Variants in EHD4 observed in about 807,000 individuals in gnomAD.
EHD4 encodes EH domain containing 4.
In EHD4, 37 loss-of-function variants were observed where a neutral mutation model predicts 51.0. The ratio of observed to expected loss-of-function variants is 0.73; its 90% CI spans 0.56 to 0.95. EHD4 has a LOEUF of 0.95. EHD4 is among the 40% of genes least tolerant of loss of function. EHD4 has a pLI of 0.00. For missense variants in EHD4, 632 were observed against 733.1 expected (o/e 0.86, Z 1.59); for synonymous variants, 297 against 317.3 (o/e 0.94, Z 0.68).
intron 2 of EHD4, among the ~76,000 whole-genome samples, chr15:41,944,611 C>A (rs556390304): frequency 4.2e-4 from 64 of 152,302 alleles, no homozygotes; most frequent in African/African-American, 1.4e-3. Flanking sequence ...CGATTTTTCA[C>A]ACAGTCTTTC....
chr15:41,906,547 C>T (rs1252830799), intron 5 of EHD4, among the ~76,000 whole-genome samples: 3 of 152,258 alleles, frequency 2.0e-5, no homozygotes, highest in Non-Finnish European at 4.4e-5. Context: ...GGCTGTAACA[C>T]TGGCCCTCTG....
chr15:41,937,337 A>G (rs1199201302), intron 3 of EHD4, among the ~76,000 whole-genome samples: 3 of 152,180 alleles, frequency 2.0e-5, no homozygotes, highest in Admixed American at 1.3e-4. Flanking sequence ...TAGAAGAGAT[A>G]TCAACAGGAA....
intron 2 of EHD4, among the ~76,000 whole-genome samples, chr15:41,949,016 CTATATATATATATATA>C (rs3035677): frequency 1.2e-3 from 114 of 92,478 alleles, no homozygotes; most frequent in East Asian, 4.5e-3. Context: ...CAGAGTGAGA[CTATATATATATATATA>C]TATATATATA....
intron 5 of EHD4, among the ~76,000 whole-genome samples, chr15:41,909,496 C>T (rs557966607): frequency 1.3e-5 from 2 of 152,366 alleles, no homozygotes; most frequent in South Asian, 2.1e-4. Context: ...TTACCTTTGG[C>T]CATGTGTTTC....
chr15:41,910,407 C>A (rs898590607), intron 4 of EHD4, among the ~76,000 whole-genome samples: 24 of 152,158 alleles, frequency 1.6e-4, no homozygotes, highest in Middle Eastern at 3.2e-3. Flanking sequence ...GCAGAAGATC[C>A]CCCTGGGAGA....
At chr15:41,949,999 T>C (rs1056214574) in intron 2 of EHD4, among the ~76,000 whole-genome samples, 2 of 152,186 alleles carry the variant, frequency 1.3e-5, no homozygotes, top group African/African-American at 2.4e-5. Flanking sequence ...TCCCCAGAGC[T>C]GCTCCCAGAT....
At position 41,972,267 on chromosome 15, in the gene EHD4, G is replaced by A. The variant is rs2068002528; in HGVS notation, c.228C>T (p.Thr76=). 6.4e-7 allele frequency: 1 copy of A among 1,568,964 alleles called. No individual in the cohort carries two copies. The highest frequency in any genetic ancestry group is 1.2e-5 in the South Asian group (1 of 86,244). The change falls in exon 1 of 6, where the codon ACC becomes ACT. Residue 76 remains threonine (T), a synonymous_variant. Coordinates refer to ENST00000220325, the MANE Select transcript of EHD4 (RefSeq NM_139265.4). ...LVGQYSTGKT[T]FIRYLLEQDF... is the part of the protein sequence containing the mutation. Reference sequence around the variant, plus strand: ...AGGGGCGGTGACGGTACCTGATGAAGGTGGTCTTGCCGGTGCTGTACTGGC... The same window carrying A: ...AGGGGCGGTGACGGTACCTGATGAAAGTGGTCTTGCCGGTGCTGTACTGGC...
chr15:41,951,707 C>A (rs1262234518), intron 2 of EHD4, among the ~76,000 whole-genome samples: 1 of 152,182 alleles, frequency 6.6e-6, no homozygotes, highest in Non-Finnish European at 1.5e-5. Flanking sequence ...GTGCCTTGAA[C>A]TTTCTGGGGC....
At chr15:41,906,430 C>T (rs2067512634) in intron 5 of EHD4, among the ~76,000 whole-genome samples, 1 of 152,180 alleles carries the variant, frequency 6.6e-6, no homozygotes, top group African/African-American at 2.4e-5. Flanking sequence ...TGTTTTGTTG[C>T]TCAGTAAAAT....
intron 4 of EHD4, among the ~76,000 whole-genome samples, chr15:41,913,129 G>A (rs538494805): frequency 4.4e-4 from 67 of 152,216 alleles, no homozygotes; most frequent in African/African-American, 1.4e-3. Flanking sequence ...CACAAACGTC[G>A]GGACACCACG....
At chr15:41,956,429 G>A (rs2067888617) in intron 1 of EHD4, among the ~76,000 whole-genome samples, 2 of 152,234 alleles carry the variant, frequency 1.3e-5, no homozygotes. Context: ...GTTGAAGTCA[G>A]ACATCACTGT....
intron 5 of EHD4, among the ~76,000 whole-genome samples, chr15:41,903,301 G>C (rs146552630): frequency 2.5e-4 from 35 of 138,370 alleles, no homozygotes; most frequent in African/African-American, 8.7e-4. Flanking sequence ...AAAAAACTTG[G>C]TGTTATCATA....
chr15:41,943,722 C>T (rs985698192), intron 2 of EHD4, among the ~76,000 whole-genome samples: 2 of 152,226 alleles, frequency 1.3e-5, no homozygotes, highest in African/African-American at 4.8e-5. Context: ...TGCACTGGCC[C>T]ACTGGGCTGG....
At position 41,953,874 on chromosome 15, in the gene EHD4, G is replaced by A. The variant is rs368433432; in HGVS notation, c.303C>T (p.Ile101=). Reference sequence around the variant, plus strand: ...CCTCAGTCTCTCCATACATCACGGCGATGAAGGAGTCTGTGGTGGGCTCCG... The same window carrying A: ...CCTCAGTCTCTCCATACATCACGGCAATGAAGGAGTCTGTGGTGGGCTCCG... ...IGPEPTTDSF[I]AVMYGETEGS... The change falls in exon 2 of 6, where the codon ATC becomes ATT. Residue 101 remains isoleucine (I), a synonymous_variant. Coordinates refer to ENST00000220325, the MANE Select transcript of EHD4 (RefSeq NM_139265.4). 98 of 1,613,816 alleles carry A rather than the reference G, an allele frequency of 6.1e-5. 1 individual carries two copies. Among genetic ancestry groups the A allele is most frequent in the Middle Eastern group, 1.6e-4 (1 of 6,084 alleles).
chr15:41,920,672 T>C (rs1270405856), intron 3 of EHD4, among the ~76,000 whole-genome samples: 1 of 152,156 alleles, frequency 6.6e-6, no homozygotes, highest in Non-Finnish European at 1.5e-5. Flanking sequence ...TTGTTTGCTA[T>C]TTCAGATATG....
Position 41,899,022 on chromosome 15 carries a change from T to C in EHD4, c.*1623A>G, listed in dbSNP as rs567928089. Reference sequence around the variant, plus strand: ...ATGCTTCTCCCAAATCAAGATTTTCTCTTCAATCTGTGCCTTTGACCCTGT... The same window carrying C: ...ATGCTTCTCCCAAATCAAGATTTTCCCTTCAATCTGTGCCTTTGACCCTGT... On this transcript the variant is annotated 3_prime_UTR_variant, in exon 6 of 6. Transcript: ENST00000220325. 46 of 152,122 alleles carry C rather than the reference T, an allele frequency of 3.0e-4. No homozygotes were observed. Among genetic ancestry groups the C allele is most frequent in the African/African-American group, 1.0e-3 (42 of 41,478 alleles). The allele number at this position is 152,122 out of a possible 1,614,324, so 9.4% of individuals were successfully genotyped here. A position where few individuals can be genotyped will look rare whatever the true frequency, so the allele number is the denominator to read the frequency against.
intron 2 of EHD4, among the ~76,000 whole-genome samples, chr15:41,945,622 G>C (rs1014279364): frequency 2.6e-5 from 4 of 152,246 alleles, no homozygotes; most frequent in African/African-American, 4.8e-5. Flanking sequence ...GGGCAGGCAA[G>C]AGAACAGAAA....
At chr15:41,930,068 G>A (rs1233407658) in intron 3 of EHD4, among the ~76,000 whole-genome samples, 2 of 152,194 alleles carry the variant, frequency 1.3e-5, no homozygotes, top group Admixed American at 1.3e-4. Context: ...TTCTATAGGT[G>A]TAATTAGTTG....
chr15:41,908,359 A>G (rs1031017997), intron 5 of EHD4: 1 of 151,988 alleles, frequency 6.6e-6, no homozygotes, highest in African/African-American at 2.4e-5. Context: ...CCCTCTCATC[A>G]CCTGCTGGCC....
Sources: gnomAD v4.1 joint callset for allele counts (sites outside exome capture counted in the v4.1 genomes callset) on GRCh38, gnomAD v4.1.1 for gene constraint, MANE v1.5 for transcripts, NCBI Gene and HGNC (gene_info 2026-07-23, HGNC 2026-07-21) for gene names.